The following GRID2 variants were observed in gnomAD, a reference collection of about 807,000 sequenced individuals.
GRID2 encodes glutamate receptor ionotropic, delta-2.
Under a neutral mutation model 114.8 loss-of-function variants are expected in GRID2, and 33 were observed. The ratio of observed to expected loss-of-function variants is 0.29; its 90% CI spans 0.22 to 0.38. The LOEUF (loss-of-function observed/expected upper bound fraction) is 0.38, where lower values mean the gene tolerates loss of function less well. GRID2 is among the 10% of genes least tolerant of loss of function. The pLI, the probability that GRID2 is intolerant of heterozygous loss-of-function variation, is 1.00. For missense variants in GRID2, 1,184 were observed against 1,257.7 expected, an observed-to-expected ratio of 0.94 and a Z score of 0.89; for synonymous variants, 505 against 449.9, an observed-to-expected ratio of 1.12 and a Z score of -1.55.
intron 2 of GRID2, among the ~76,000 whole-genome samples, chr4:92,710,882 A>G (rs1735212930): frequency 6.6e-6 from 1 of 151,984 alleles, no homozygotes; most frequent in Non-Finnish European, 1.5e-5. Flanking sequence ...AATTGCTTGC[A>G]ACTTAAATAA....
At chr4:93,190,243 A>G (rs546779366) in intron 4 of GRID2, among the ~76,000 whole-genome samples, 4 of 152,134 alleles carry the variant, frequency 2.6e-5, no homozygotes, top group Non-Finnish European at 4.4e-5. Flanking sequence ...TCTTGTTTAT[A>G]ACCTTGATAT....
At chr4:93,204,029 TTGA>T (rs1742397025) in intron 4 of GRID2, 1 of 152,198 alleles carries the variant, frequency 6.6e-6, no homozygotes, top group Non-Finnish European at 1.5e-5. Context: ...AGAATGGATT[TTGA>T]TGATCATCTA....
At chr4:93,511,401 A>G (rs2149486454) in intron 12 of GRID2, among the ~76,000 whole-genome samples, 1 of 152,236 alleles carries the variant, frequency 6.6e-6, no homozygotes, top group East Asian at 1.9e-4. Context: ...AATATAACTT[A>G]CTCGTAAGCT....
intron 12 of GRID2, among the ~76,000 whole-genome samples, chr4:93,500,154 A>G (rs1727955816): frequency 6.6e-6 from 1 of 152,006 alleles, no homozygotes. Context: ...CTGGATTCAA[A>G]CAAATCTGCA....
At chr4:92,662,188 A>T (rs560573276) in intron 2 of GRID2, among the ~76,000 whole-genome samples, 42 of 151,172 alleles carry the variant, frequency 2.8e-4, no homozygotes, top group Middle Eastern at 3.4e-3. Flanking sequence ...TCAGACAGGA[A>T]CTATTACAAC....
chr4:93,782,385 A>G (rs376517640), intron 1 of GRID2, among the ~76,000 whole-genome samples: 44 of 152,220 alleles, frequency 2.9e-4, no homozygotes, highest in African/African-American at 1.0e-3. Context: ...GACACTACAA[A>G]TCAAATGAAA....
intron 2 of GRID2, among the ~76,000 whole-genome samples, chr4:92,775,392 A>G (rs1738743340): frequency 1.3e-5 from 2 of 152,192 alleles, no homozygotes; most frequent in South Asian, 4.1e-4. Flanking sequence ...AAAAACCATC[A>G]AGTGCAAGTA....
intron 2 of GRID2, among the ~76,000 whole-genome samples, chr4:92,878,206 A>G (rs1745767437): frequency 1.3e-5 from 2 of 152,056 alleles, no homozygotes; most frequent in South Asian, 4.1e-4. Context: ...CCTTCCCTAC[A>G]TTGTCTGCAT....
chr4:92,945,288 C>G (rs149981720), intron 2 of GRID2, among the ~76,000 whole-genome samples: 2 of 152,232 alleles, frequency 1.3e-5, no homozygotes, highest in East Asian at 3.9e-4. Flanking sequence ...AATTTTCTCT[C>G]AGAGTTTTAA....
chr4:93,542,428 C>T (rs1232247984), intron 13 of GRID2, among the ~76,000 whole-genome samples: 1 of 152,144 alleles, frequency 6.6e-6, no homozygotes, highest in Non-Finnish European at 1.5e-5. Flanking sequence ...GCCATAACTC[C>T]AACAAATAGC....
intron 1 of GRID2, among the ~76,000 whole-genome samples, chr4:92,441,308 A>C (rs1255137055): frequency 6.6e-6 from 1 of 152,152 alleles, no homozygotes; most frequent in Admixed American, 6.5e-5. Context: ...GCTTGATTGA[A>C]GTAATGGGGG....
At chr4:93,649,280 A>G (rs557680548) in intron 14 of GRID2, among the ~76,000 whole-genome samples, 1 of 152,178 alleles carries the variant, frequency 6.6e-6, no homozygotes, top group Non-Finnish European at 1.5e-5. Flanking sequence ...CTTTGCCTAT[A>G]GGAAATCAAC....
At chr4:92,865,269 G>A (rs1744781767) in intron 2 of GRID2, among the ~76,000 whole-genome samples, 1 of 152,116 alleles carries the variant, frequency 6.6e-6, no homozygotes, top group East Asian at 1.9e-4. Context: ...AAGAAACCCT[G>A]TTATAAACGT....
In GRID2 at chr4:92,462,422, A is replaced by AT. The variant is rs983488374; in HGVS notation, c.89-127700dup. 6.2e-4 allele frequency among the ~76,000 whole-genome samples: 94 copies of AT among 151,662 alleles called. No individual in the cohort carries two copies. In the East Asian group the frequency reaches 7.0e-3, roughly 11 times the overall value. On this transcript the variant is annotated intron_variant, in intron 1 of 15. Coordinates refer to ENST00000282020, the MANE Select transcript of GRID2 (RefSeq NM_001510.4). ...CACTTAAACATATGGTATAAACAGGATTTTTTTTTGTGGCTGTTGATTTTT... is the reference window on the plus strand; with the variant it reads ...CACTTAAACATATGGTATAAACAGGATTTTTTTTTTGTGGCTGTTGATTTTT...
At chr4:93,067,362 T>C (rs901864447) in intron 2 of GRID2, among the ~76,000 whole-genome samples, 1 of 152,018 alleles carries the variant, frequency 6.6e-6, no homozygotes, top group Non-Finnish European at 1.5e-5. Flanking sequence ...CTCTCACAGT[T>C]CTGGAGGCTG....
chr4:93,262,419 A>G (rs778139679), intron 8 of GRID2, among the ~76,000 whole-genome samples: 2 of 151,926 alleles, frequency 1.3e-5, no homozygotes, highest in Non-Finnish European at 2.9e-5. Context: ...GAAGAATATT[A>G]AGGATTGTGG....
At chr4:93,117,440 ATT>A (rs1176240651) in intron 4 of GRID2, among the ~76,000 whole-genome samples, 4 of 151,936 alleles carry the variant, frequency 2.6e-5, no homozygotes, top group African/African-American at 9.7e-5. Flanking sequence ...TTATTAACTG[ATT>A]TTGTTTTTTG....
intron 8 of GRID2, among the ~76,000 whole-genome samples, chr4:93,379,850 A>G (rs1174176836): frequency 1.3e-5 from 2 of 152,100 alleles, no homozygotes; most frequent in Non-Finnish European, 2.9e-5. Flanking sequence ...TAATTTGAAT[A>G]CATTCTAGTC....
intron 2 of GRID2, among the ~76,000 whole-genome samples, chr4:92,699,122 C>A (rs566943336): frequency 6.6e-6 from 1 of 151,996 alleles, no homozygotes; most frequent in Non-Finnish European, 1.5e-5. Context: ...CCAAAATGTT[C>A]TATCTAAAAA....
Sources: gnomAD v4.1 joint callset for allele counts (sites outside exome capture counted in the v4.1 genomes callset) on GRCh38, gnomAD v4.1.1 for gene constraint, MANE v1.5 for transcripts, NCBI Gene and HGNC (gene_info 2026-07-23, HGNC 2026-07-21) for gene names.